Variants in RTRAF observed in about 807,000 individuals in gnomAD.
RTRAF encodes the protein tRNA-splicing ligase complex subunit RTRAF.
A neutral mutation model predicts 34.4 loss-of-function variants in RTRAF; 14 were observed. The observed-to-expected ratio is 0.41, with a 90% CI of 0.27 to 0.64. RTRAF has a LOEUF of 0.64. Ranked by LOEUF, RTRAF falls within the 30% of genes least tolerant of loss-of-function variation. The pLI, the probability that RTRAF is intolerant of heterozygous loss-of-function variation, is 0.34. For missense variants in RTRAF, 291 were observed against 288.4 expected, an observed-to-expected ratio of 1.01 and a Z score of -0.06; for synonymous variants, 96 against 95.3, an observed-to-expected ratio of 1.01 and a Z score of -0.04.
chr14:51,993,804 C>T lies in RTRAF; in HGVS notation c.268C>T (p.Leu90Phe). Residue 90 changes from leucine (L) to phenylalanine (F), a missense_variant, in exon 3 of 8, where the codon CTT (leucine) becomes TTT (phenylalanine). Leu to Phe is a conservative substitution (Grantham distance 22). Transcript: ENST00000261700. ...IDWLLGLAVRLEYGDNAEKYK... is the reference protein window; with the variant it reads ...IDWLLGLAVRFEYGDNAEKYK... ...CTGGCTTCTTGGTTTAGCTGTTAGA[C>T]TTGAATATGGAGATAATGGTACGTT... is the stretch of plus-strand genomic sequence containing the variant. 1.3e-6 allele frequency: 2 copies of T among 1,586,608 alleles called. No individual in the cohort carries two copies. Among genetic ancestry groups the T allele is most frequent in the Non-Finnish European group, 1.7e-6 (2 of 1,162,722 alleles).
Position 52,006,681 on chromosome 14 carries a change from A to T in RTRAF, c.*2165A>T. 2 of 1,612,482 alleles carry T rather than the reference A, an allele frequency of 1.2e-6. No homozygotes were observed. Among genetic ancestry groups the T allele is most frequent in the East Asian group, 4.5e-5 (2 of 44,844 alleles). On this transcript the variant is annotated 3_prime_UTR_variant, in exon 8 of 8. Coordinates refer to ENST00000261700, the MANE Select transcript of RTRAF (RefSeq NM_016039.3). ...GGTTCCTTTTAAAACAAAGGGGGAA[A>T]ATGAGGTCCTTCAGCTGCTTTGCCA... is the stretch of plus-strand genomic sequence containing the variant.
intron 4 of RTRAF, chr14:51,999,493 C>T: frequency 2.3e-6 from 1 of 436,524 alleles, no homozygotes; most frequent in East Asian, 3.4e-5. Flanking sequence ...TGGGGACCGT[C>T]TCATACAGTA....
chr14:51,999,986 T>C lies in RTRAF; in HGVS notation c.462+190T>C, dbSNP rs147874213. 1,288 of 467,796 alleles carry C rather than the reference T, an allele frequency of 2.8e-3. 30 individuals carry two copies. The Admixed American group carries it at 0.041, about 15-fold the overall frequency. 29.0% of individuals were successfully genotyped at this position (467,796 alleles called of 1,614,324 possible). A position where few individuals can be genotyped will look rare whatever the true frequency, so the allele number is the denominator to read the frequency against. On this transcript the variant is annotated intron_variant, in intron 5 of 7. Transcript: ENST00000261700. The stretch of plus-strand genomic sequence containing the variant: ...TGTTTTCTGCCTGCACTATGCTAAA[T>C]CCTTTGCAAAGATGTTCTCATTCAA...
chr14:52,004,003 C>T (rs143851702), intron 6 of RTRAF, 191 bp from the exon 7 acceptor site: 159 of 597,356 alleles, frequency 2.7e-4, no homozygotes, highest in Admixed American at 1.8e-3. Flanking sequence ...TTCCCCCTAA[C>T]CGGTTGAAAT....
In RTRAF at chr14:52,009,296, TATC is replaced by T. The variant is rs1270012147; in HGVS notation, c.*4785_*4787del. ...CAGTCTCCTCCCCAAAATGATTTAA[TATC>T]ATCAACAACAATAAGTCTGAAACAA... On this transcript the variant is annotated 3_prime_UTR_variant, in exon 8 of 8. Coordinates refer to ENST00000261700, the MANE Select transcript of RTRAF (RefSeq NM_016039.3). 1 of 152,216 alleles carries T rather than the reference TATC, an allele frequency of 6.6e-6. No individual in the cohort carries two copies. Among genetic ancestry groups the T allele is most frequent in the Non-Finnish European group, 1.5e-5 (1 of 68,046 alleles). The allele number at this position is 152,216 out of a possible 1,614,324, so 9.4% of individuals were successfully genotyped here.
chr14:52,007,934 A>G lies in RTRAF; in HGVS notation c.*3418A>G. On this transcript the variant is annotated 3_prime_UTR_variant, in exon 8 of 8. Coordinates refer to ENST00000261700, the MANE Select transcript of RTRAF (RefSeq NM_016039.3). ...CTAAAGATGACGTTTCAATTTTAGG[A>G]GCTTCTCTATTCCAGTCTGTCCAGT... is the stretch of plus-strand genomic sequence containing the variant. The G allele has an allele frequency of 6.2e-7, 1 of 1,613,580 alleles. No individual in the cohort carries two copies. The highest frequency in any genetic ancestry group is 1.1e-5 in the South Asian group (1 of 90,970).
At chr14:51,993,623 T>TA (rs1808932045) in intron 2 of RTRAF, 100 bp from the exon 3 acceptor site, 1 of 689,868 alleles carries the variant, frequency 1.4e-6, no homozygotes, top group Non-Finnish European at 2.5e-6. Flanking sequence ...AAAAAATTGT[T>TA]AGAGATCCAA....
Position 52,005,944 on chromosome 14 carries a change from T to G in RTRAF, c.*1428T>G, listed in dbSNP as rs946740718. 2.3e-6 allele frequency: 2 copies of G among 885,054 alleles called. No homozygotes were observed. Among genetic ancestry groups the G allele is most frequent in the Non-Finnish European group, 3.7e-6 (2 of 539,280 alleles). 54.8% of individuals were successfully genotyped at this position (885,054 alleles called of 1,614,324 possible). On this transcript the variant is annotated 3_prime_UTR_variant, in exon 8 of 8. Coordinates refer to ENST00000261700, the MANE Select transcript of RTRAF (RefSeq NM_016039.3). ...AAAATCAGTTGCAATAGAGGAAAAT[T>G]TCTGGCAGCCTTCTCTGTCCCAGGG... is the stretch of plus-strand genomic sequence containing the variant.
intron 1 of RTRAF, 145 bp downstream of exon 1, chr14:51,989,845 A>G: frequency 1.4e-6 from 1 of 725,786 alleles, no homozygotes; most frequent in East Asian, 3.0e-5. Flanking sequence ...CTGGGTCGCC[A>G]CGTACCTCGG....
At chr14:51,991,241 A>G (rs1295487220) in intron 1 of RTRAF, 76 bp from the exon 2 acceptor site, 23 of 1,424,436 alleles carry the variant, frequency 1.6e-5, no homozygotes, top group South Asian at 6.2e-5. Context: ...ACAAGAACAT[A>G]TATCTGAACA....
intron 3 of RTRAF, among the ~76,000 whole-genome samples, chr14:51,995,596 C>G (rs894777851): frequency 6.6e-6 from 1 of 152,128 alleles, no homozygotes. Context: ...AATATTGTGT[C>G]TGTCACAGTA....
Position 52,005,942 on chromosome 14 carries a change from A to C in RTRAF, c.*1426A>C. 1.1e-6 allele frequency: 1 copy of C among 901,946 alleles called. No homozygotes were observed. The highest frequency in any genetic ancestry group is 1.8e-6 in the Non-Finnish European group (1 of 552,844). 55.9% of individuals were successfully genotyped at this position (901,946 alleles called of 1,614,324 possible). A position where few individuals can be genotyped will look rare whatever the true frequency, so the allele number is the denominator to read the frequency against. ...AGAAAATCAGTTGCAATAGAGGAAA[A>C]TTTCTGGCAGCCTTCTCTGTCCCAG... On this transcript the variant is annotated 3_prime_UTR_variant, in exon 8 of 8. Transcript: ENST00000261700.
Position 52,004,159 on chromosome 14 carries a change from A to G in RTRAF, c.532-35A>G, listed in dbSNP as rs187484278. ...TGAGGAAAGGATGCTATTCTTAACC[A>G]TAAATACTCTCATTTTGTCTTTCTT... is the stretch of plus-strand genomic sequence containing the variant. On this transcript the variant is annotated intron_variant, in intron 6 of 7. Coordinates refer to ENST00000261700, the MANE Select transcript of RTRAF (RefSeq NM_016039.3). 4 of 1,573,276 alleles carry G rather than the reference A, an allele frequency of 2.5e-6. No individual in the cohort carries two copies. In the East Asian group the frequency reaches 6.7e-5, roughly 26 times the overall value.
At chr14:51,997,633 A>G (rs1316627752) in intron 3 of RTRAF, among the ~76,000 whole-genome samples, 1 of 151,892 alleles carries the variant, frequency 6.6e-6, no homozygotes, top group African/African-American at 2.4e-5. Context: ...TTTTCAAATG[A>G]AAATAATAAA....
chr14:51,998,894 A>C (rs1450106997), intron 4 of RTRAF, among the ~76,000 whole-genome samples: 1 of 151,958 alleles, frequency 6.6e-6, no homozygotes, highest in Non-Finnish European at 1.5e-5. Context: ...ACTCTATCAG[A>C]CAAGTGGTAA....
At position 52,009,526 on chromosome 14, in the gene RTRAF, C is replaced by CT. The variant is rs1454568684; in HGVS notation, c.*5013dup. On this transcript the variant is annotated 3_prime_UTR_variant, in exon 8 of 8. Coordinates refer to ENST00000261700, the MANE Select transcript of RTRAF (RefSeq NM_016039.3). ...TTTCTTTTTATTAAAAATTCAAGTC[C>CT]TTTAGCATTTATATTTGCTGTCTGG... 1 of 152,156 alleles carries CT rather than the reference C, an allele frequency of 6.6e-6. No homozygotes were observed. The highest frequency in any genetic ancestry group is 1.5e-5 in the Non-Finnish European group (1 of 68,020). 9.4% of individuals were successfully genotyped at this position (152,156 alleles called of 1,614,324 possible). A position where few individuals can be genotyped will look rare whatever the true frequency, so the allele number is the denominator to read the frequency against.
In RTRAF at chr14:52,010,141, A is replaced by C. The variant is rs1169779408; in HGVS notation, c.*5625A>C. The C allele has an allele frequency of 6.6e-6, 1 of 152,178 alleles. No individual in the cohort carries two copies. Among genetic ancestry groups the C allele is most frequent in the East Asian group, 1.9e-4 (1 of 5,194 alleles). 9.4% of individuals were successfully genotyped at this position (152,178 alleles called of 1,614,324 possible). A position where few individuals can be genotyped will look rare whatever the true frequency, so the allele number is the denominator to read the frequency against. On this transcript the variant is annotated 3_prime_UTR_variant, in exon 8 of 8. Coordinates refer to ENST00000261700, the MANE Select transcript of RTRAF (RefSeq NM_016039.3). The stretch of plus-strand genomic sequence containing the variant: ...GTACTTTTCCTGTGTGTAGAACCCA[A>C]AGTTTGAAACCACCTTTGAGGCACT...
intron 6 of RTRAF, chr14:52,003,960 A>G (rs17831507): frequency 0.087 from 46,363 of 535,814 alleles, 2,369 homozygotes; most frequent in Middle Eastern, 0.14. Context: ...TGGATGAGCT[A>G]TAGAGCTTCC....
intron 6 of RTRAF, among the ~76,000 whole-genome samples, chr14:52,002,444 T>TGTC (rs1483405241): frequency 6.6e-6 from 1 of 152,168 alleles, no homozygotes; most frequent in Non-Finnish European, 1.5e-5. Flanking sequence ...TGCATGAGCT[T>TGTC]GTCAGTCTGC....
Sources: allele counts gnomAD v4.1 joint callset (sites outside exome capture counted in the v4.1 genomes callset), GRCh38; gene constraint gnomAD v4.1.1; transcripts MANE v1.5; gene names NCBI Gene and HGNC (gene_info 2026-07-23, HGNC 2026-07-21).